Variants in CUL5 observed in about 807,000 individuals in gnomAD.
CUL5 encodes cullin-5.
CUL5 carries 26 observed loss-of-function variants against 108.8 expected under a neutral mutation model. The ratio of observed to expected loss-of-function variants is 0.24; its 90% CI spans 0.18 to 0.33. The LOEUF (loss-of-function observed/expected upper bound fraction) is 0.33. Among genes scored for constraint, CUL5 ranks in the 10% least tolerant of loss-of-function variants. The pLI is 1.00. For synonymous variants in CUL5, 334 were observed against 298.0 expected (o/e 1.12, Z -1.25); for missense variants, 524 against 909.2 (o/e 0.58, Z 5.45).
intron 4 of CUL5, among the ~76,000 whole-genome samples, chr11:108,050,985 G>A (rs1277239701): frequency 1.3e-5 from 2 of 152,098 alleles, no homozygotes; most frequent in South Asian, 2.1e-4. Context: ...AAATGGGACC[G>A]TAGATTTGAA....
chr11:108,039,692 A>C (rs1254637676), intron 2 of CUL5, among the ~76,000 whole-genome samples: 2 of 152,186 alleles, frequency 1.3e-5, no homozygotes. Context: ...TATCTAGATA[A>C]CTCATATAAA....
intron 1 of CUL5, among the ~76,000 whole-genome samples, chr11:108,020,098 T>A (rs1862292201): frequency 6.6e-6 from 1 of 152,190 alleles, no homozygotes; most frequent in Admixed American, 6.5e-5. Flanking sequence ...ACACTTTTCA[T>A]TAGGCCCACT....
intron 1 of CUL5, among the ~76,000 whole-genome samples, chr11:108,019,565 A>G (rs1241606534): frequency 6.6e-6 from 1 of 152,180 alleles, no homozygotes; most frequent in African/African-American, 2.4e-5. Flanking sequence ...ATTGTCTGGC[A>G]ATGTTTATTG....
chr11:108,083,472 C>T (rs967929128), intron 11 of CUL5, among the ~76,000 whole-genome samples: 7 of 152,102 alleles, frequency 4.6e-5, no homozygotes, highest in African/African-American at 1.7e-4. Flanking sequence ...GTGACTATGT[C>T]CTACTTTTAG....
chr11:108,019,319 A>G (rs755399602), intron 1 of CUL5, among the ~76,000 whole-genome samples: 6 of 152,300 alleles, frequency 3.9e-5, no homozygotes, highest in East Asian at 1.9e-4. Context: ...TTAAAATCAC[A>G]TAACTGGGAG....
Position 108,095,810 on chromosome 11 carries a change from T to C in CUL5, c.1905+119T>C. On this transcript the variant is annotated intron_variant, in intron 16 of 18. Transcript: ENST00000393094. ...TTTCAGAATGTCTTATCAAGAAAAATAGAGGCCGGGCACAGTGGATCACGC... is the reference window on the plus strand; with the variant it reads ...TTTCAGAATGTCTTATCAAGAAAAACAGAGGCCGGGCACAGTGGATCACGC... 3 of 961,502 alleles carry C rather than the reference T, an allele frequency of 3.1e-6. No homozygotes were observed. The South Asian group carries it at 5.1e-5, about 16-fold the overall frequency. The allele number at this position is 961,502 out of a possible 1,614,324, so 59.6% of individuals were successfully genotyped here. A position where few individuals can be genotyped will look rare whatever the true frequency, so the allele number is the denominator to read the frequency against.
At chr11:108,037,272 A>C (rs1862771356) in intron 2 of CUL5, among the ~76,000 whole-genome samples, 1 of 152,142 alleles carries the variant, frequency 6.6e-6, no homozygotes, top group Non-Finnish European at 1.5e-5. Flanking sequence ...TACCTGTCAC[A>C]ACAGACAGAA....
intron 10 of CUL5, among the ~76,000 whole-genome samples, chr11:108,076,272 G>A (rs890014010): frequency 1.3e-5 from 2 of 152,022 alleles, no homozygotes; most frequent in African/African-American, 2.4e-5. Flanking sequence ...GGGCTCAAGC[G>A]ATCCATCCAC....
chr11:108,025,237 T>G (rs1041675510), intron 1 of CUL5, among the ~76,000 whole-genome samples: 2 of 152,216 alleles, frequency 1.3e-5, no homozygotes, highest in Non-Finnish European at 2.9e-5. Context: ...TGTCCTTGTT[T>G]ACTGAATGTA....
chr11:108,048,706 G>A (rs967669565), intron 3 of CUL5, among the ~76,000 whole-genome samples: 5 of 128,346 alleles, frequency 3.9e-5, no homozygotes, highest in Non-Finnish European at 8.0e-5. Context: ...TCACTTTGTC[G>A]CCCAGGCTGC....
rs1864765904 is a variant in CUL5, at chr11:108,105,243, A to G, written c.*859A>G. The G allele has an allele frequency of 6.6e-6, 1 of 152,186 alleles. No homozygotes were observed. The highest frequency in any genetic ancestry group is 1.5e-5 in the Non-Finnish European group (1 of 68,006). 9.4% of individuals were successfully genotyped at this position (152,186 alleles called of 1,614,324 possible). On this transcript the variant is annotated 3_prime_UTR_variant, in exon 19 of 19. Coordinates refer to ENST00000393094, the MANE Select transcript of CUL5 (RefSeq NM_003478.6). ...TTACTAAACATATTGTGTGTTTACT[A>G]ACACACTTAATGTTTATATACCTAA... is the stretch of plus-strand genomic sequence containing the variant.
intron 5 of CUL5, 110 bp from the exon 6 acceptor site, chr11:108,054,537 G>C: frequency 1.4e-6 from 1 of 692,366 alleles, no homozygotes; most frequent in South Asian, 2.3e-5. Context: ...ATGTTCTCTT[G>C]AGCATTGTTA....
chr11:108,097,548 T>C (rs866462513), intron 16 of CUL5, 88 bp from the exon 17 acceptor site: 1 of 704,060 alleles, frequency 1.4e-6, no homozygotes, highest in South Asian at 2.0e-5. Context: ...GTAATCTTTT[T>C]CTTGCCTATG....
chr11:108,061,648 G>A (rs537155583), intron 7 of CUL5, among the ~76,000 whole-genome samples: 7 of 151,446 alleles, frequency 4.6e-5, no homozygotes, highest in East Asian at 1.9e-4. Flanking sequence ...TTCCCTCCCC[G>A]TTTTGCCTCC....
chr11:108,045,311 A>T (rs1439722494), intron 2 of CUL5, among the ~76,000 whole-genome samples: 1 of 152,196 alleles, frequency 6.6e-6, no homozygotes, highest in Non-Finnish European at 1.5e-5. Flanking sequence ...TAATTTTTTT[A>T]AAAAGACAAA....
At chr11:108,028,566 C>T (rs548367623) in intron 1 of CUL5, among the ~76,000 whole-genome samples, 61 of 152,184 alleles carry the variant, frequency 4.0e-4, no homozygotes, top group African/African-American at 1.3e-3. Context: ...AGGCCAGGTG[C>T]GGTGGATCAC....
chr11:108,021,080 C>T (rs1323939014), intron 1 of CUL5, among the ~76,000 whole-genome samples: 1 of 152,118 alleles, frequency 6.6e-6, no homozygotes, highest in African/African-American at 2.4e-5. Context: ...AGGTTGGTAG[C>T]CTAGGATAAT....
chr11:108,052,384 G>A (rs932578951), intron 4 of CUL5, among the ~76,000 whole-genome samples: 1 of 151,972 alleles, frequency 6.6e-6, no homozygotes, highest in African/African-American at 2.4e-5. Flanking sequence ...GCGTGGTCTC[G>A]GCTCACTGGG....
intron 11 of CUL5, 30 bp downstream of exon 11, chr11:108,078,270 T>C (rs1368702082): frequency 4.5e-6 from 6 of 1,332,460 alleles, no homozygotes; most frequent in Middle Eastern, 1.9e-4. Flanking sequence ...ACTTTAAAAA[T>C]ACTTAAATTT....
Sources: allele counts gnomAD v4.1 joint callset (sites outside exome capture counted in the v4.1 genomes callset), GRCh38; gene constraint gnomAD v4.1.1; transcripts MANE v1.5; gene names NCBI Gene and HGNC (gene_info 2026-07-23, HGNC 2026-07-21).